GRM5: variants seen among roughly 807,000 people sequenced by gnomAD.
The protein encoded by GRM5 is metabotropic glutamate receptor 5.
A neutral mutation model predicts 83.1 loss-of-function variants in GRM5; 19 were observed. That is an observed-to-expected ratio of 0.23 (90% CI 0.16 to 0.34). The LOEUF is 0.34. Among genes scored for constraint, GRM5 ranks in the 10% least tolerant of loss-of-function variants. The pLI is 1.00. For synonymous variants in GRM5, 675 were observed against 633.6 expected (o/e 1.07, Z -0.98); for missense variants, 1,160 against 1,588.3 (o/e 0.73, Z 4.58).
At chr11:88,842,706 A>T (rs1233599608) in intron 3 of GRM5, among the ~76,000 whole-genome samples, 2 of 151,850 alleles carry the variant, frequency 1.3e-5, no homozygotes, top group Admixed American at 6.6e-5. Context: ...TTTTTTTTCA[A>T]CCTAAATGCT....
intron 2 of GRM5, among the ~76,000 whole-genome samples, chr11:88,874,945 G>A (rs1944825382): frequency 6.6e-6 from 1 of 151,928 alleles, no homozygotes; most frequent in Non-Finnish European, 1.5e-5. Context: ...CCTTCAGCAA[G>A]GCATAATGTT....
intron 4 of GRM5, among the ~76,000 whole-genome samples, chr11:88,633,246 AT>A (rs530564460): frequency 6.6e-6 from 1 of 152,170 alleles, no homozygotes; most frequent in Non-Finnish European, 1.5e-5. Context: ...CATTGTTATT[AT>A]TTTTTAAGAA....
intron 1 of GRM5, among the ~76,000 whole-genome samples, chr11:89,053,764 G>A (rs1376762723): frequency 2.6e-5 from 4 of 151,300 alleles, no homozygotes; most frequent in Non-Finnish European, 5.9e-5. Flanking sequence ...GGCCAAAGAA[G>A]CATAAACTGA....
intron 3 of GRM5, among the ~76,000 whole-genome samples, chr11:88,717,527 G>T (rs1941424525): frequency 6.6e-6 from 1 of 151,684 alleles, no homozygotes; most frequent in African/African-American, 2.4e-5. Context: ...TACCCTGCTA[G>T]TAAATTTAAT....
intron 2 of GRM5, among the ~76,000 whole-genome samples, chr11:88,863,395 A>C (rs1453828704): frequency 6.6e-6 from 1 of 152,180 alleles, no homozygotes; most frequent in Non-Finnish European, 1.5e-5. Flanking sequence ...ATTTAAAAAA[A>C]AATGATACAT....
intron 2 of GRM5, among the ~76,000 whole-genome samples, chr11:88,947,788 T>C (rs568557879): frequency 6.6e-6 from 1 of 152,304 alleles, no homozygotes; most frequent in South Asian, 2.1e-4. Flanking sequence ...GGAAAAGCAG[T>C]AAATAAATAT....
intron 3 of GRM5, among the ~76,000 whole-genome samples, chr11:88,755,127 C>G (rs1041455681): frequency 1.3e-5 from 2 of 152,054 alleles, no homozygotes; most frequent in East Asian, 1.9e-4. Context: ...TTATAAGAAA[C>G]TGAAGCAAAT....
intron 2 of GRM5, among the ~76,000 whole-genome samples, chr11:88,954,954 C>A (rs1038844685): frequency 3.9e-5 from 6 of 152,204 alleles, no homozygotes; most frequent in Admixed American, 3.9e-4. Context: ...TTAGATTTAT[C>A]TTTCCAAAAT....
chr11:88,789,608 GTC>G (rs1480204424), intron 3 of GRM5, among the ~76,000 whole-genome samples: 1 of 151,952 alleles, frequency 6.6e-6, no homozygotes, highest in African/African-American at 2.4e-5. Flanking sequence ...AATGATAGAA[GTC>G]TCTTGATTAT....
At chr11:88,882,275 A>C (rs1437816900) in intron 2 of GRM5, among the ~76,000 whole-genome samples, 1 of 151,366 alleles carries the variant, frequency 6.6e-6, no homozygotes, top group Admixed American at 6.6e-5. Flanking sequence ...TAAATAATAA[A>C]AAGAAAAATA....
intron 2 of GRM5, among the ~76,000 whole-genome samples, chr11:89,039,386 C>T (rs1941474126): frequency 6.6e-6 from 1 of 152,014 alleles, no homozygotes; most frequent in Admixed American, 6.6e-5. Context: ...AATAGTCCAA[C>T]ATCGTTCTTT....
At chr11:88,811,228 G>A (rs529879471) in intron 3 of GRM5, among the ~76,000 whole-genome samples, 1 of 152,084 alleles carries the variant, frequency 6.6e-6, no homozygotes, top group East Asian at 1.9e-4. Flanking sequence ...GTGCCTTTGA[G>A]GACAAATAAC....
intron 2 of GRM5, among the ~76,000 whole-genome samples, chr11:89,023,777 G>C (rs1487572682): frequency 6.6e-6 from 1 of 151,822 alleles, no homozygotes; most frequent in Admixed American, 6.6e-5. Context: ...TTGAACCCAG[G>C]AGGCGGAGGT....
intron 4 of GRM5, among the ~76,000 whole-genome samples, chr11:88,610,669 A>T (rs773648607): frequency 6.6e-6 from 1 of 152,166 alleles, no homozygotes; most frequent in Non-Finnish European, 1.5e-5. Flanking sequence ...TGCAAAAAGA[A>T]GTAGCTTGAC....
chr11:88,701,792 T>TG (rs1941042561), intron 3 of GRM5, among the ~76,000 whole-genome samples: 1 of 152,108 alleles, frequency 6.6e-6, no homozygotes, highest in Admixed American at 6.6e-5. Flanking sequence ...TCTAAAAACT[T>TG]GGAGTGAGAA....
chr11:88,891,658 T>A (rs1945146046), intron 2 of GRM5, among the ~76,000 whole-genome samples: 1 of 148,146 alleles, frequency 6.8e-6, no homozygotes. Context: ...TAACTAAACT[T>A]CTTTGTCAGT....
chr11:88,938,400 C>T (rs1297632452), intron 2 of GRM5, among the ~76,000 whole-genome samples: 1 of 151,350 alleles, frequency 6.6e-6, no homozygotes, highest in Non-Finnish European at 1.5e-5. Context: ...ACTATATATC[C>T]ATTATTTAGA....
At chr11:88,948,186 C>CT (rs1446621743) in intron 2 of GRM5, among the ~76,000 whole-genome samples, 58 of 152,148 alleles carry the variant, frequency 3.8e-4, no homozygotes, top group African/African-American at 1.3e-3. Context: ...AAAAAAGCTG[C>CT]TTTTCTGTAT....
At chr11:89,063,249 C>G (rs1251015410) in intron 1 of GRM5, among the ~76,000 whole-genome samples, 1 of 152,194 alleles carries the variant, frequency 6.6e-6, no homozygotes, top group African/African-American at 2.4e-5. Flanking sequence ...TCCTTTTCAA[C>G]CCTTGCAGCT....
Sources: gnomAD v4.1 joint callset for allele counts (sites outside exome capture counted in the v4.1 genomes callset) on GRCh38, gnomAD v4.1.1 for gene constraint, MANE v1.5 for transcripts, NCBI Gene and HGNC (gene_info 2026-07-23, HGNC 2026-07-21) for gene names.